Variants in BAZ2B observed in about 807,000 individuals in gnomAD.
The protein encoded by BAZ2B is bromodomain adjacent to zinc finger domain 2B.
BAZ2B carries 91 observed loss-of-function variants against 246.0 expected under a neutral mutation model. The observed-to-expected ratio is 0.37, with a 90% CI of 0.31 to 0.44. BAZ2B has a LOEUF of 0.44. Ranked by LOEUF, BAZ2B falls within the 20% of genes least tolerant of loss-of-function variation. The pLI, the probability that BAZ2B is intolerant of heterozygous loss-of-function variation, is 1.00. For missense variants in BAZ2B, 2,332 were observed against 2,533.7 expected, an observed-to-expected ratio of 0.92 and a Z score of 1.71; for synonymous variants, 855 against 860.0, an observed-to-expected ratio of 0.99 and a Z score of 0.10.
In BAZ2B at chr2:159,350,359, T is replaced by A. The variant is rs1237603513; in HGVS notation, c.4214-2A>T. ...TTTCTTTTGCAATTTCTTCTAGTCC[T>A]ACAAAATGAAAAAGCATTATGAACA... On this transcript the variant is annotated splice_acceptor_variant, in intron 27 of 36. Transcript: ENST00000392783. LOFTEE classifies it high-confidence loss of function. 6.6e-7 allele frequency: 1 copy of A among 1,521,760 alleles called. No homozygotes were observed. The highest frequency in any genetic ancestry group is 8.8e-7 in the Non-Finnish European group (1 of 1,139,812). The allele number at this position is 1,521,760 out of a possible 1,614,324, so 94.3% of individuals were successfully genotyped here. A position where few individuals can be genotyped will look rare whatever the true frequency, so the allele number is the denominator to read the frequency against.
At chr2:159,682,829 C>G in the BAZ2B span, among the ~76,000 whole-genome samples, 1 of 152,084 alleles carries the variant, frequency 6.6e-6, no homozygotes, top group East Asian at 1.9e-4. Context: ...ACACTGCATT[C>G]TCTTGCAATT....
intron 3 of BAZ2B, chr2:159,459,819 C>T (rs2076194904): frequency 6.6e-6 from 1 of 152,036 alleles, no homozygotes; most frequent in Admixed American, 6.5e-5. Flanking sequence ...CATTAATATA[C>T]TTAATATCAA....
intron 11 of BAZ2B, among the ~76,000 whole-genome samples, 182 bp from the exon 12 acceptor site, chr2:159,428,601 T>C (rs1259290914): frequency 6.6e-6 from 1 of 152,180 alleles, no homozygotes; most frequent in Admixed American, 6.5e-5. Flanking sequence ...CTAATTCAAC[T>C]AGAAAATTAA....
chr2:159,615,604 AG>A (rs1158533952), intron 1 of BAZ2B: 2 of 145,172 alleles, frequency 1.4e-5, no homozygotes, highest in Non-Finnish European at 3.0e-5. Flanking sequence ...GACAGGGAAG[AG>A]GGGGCGGAGG....
intron 13 of BAZ2B, among the ~76,000 whole-genome samples, chr2:159,413,432 C>G (rs2067137372): frequency 6.6e-6 from 1 of 152,172 alleles, no homozygotes; most frequent in African/African-American, 2.4e-5. Context: ...ACTGGCCGGG[C>G]ACAGTGGCTC....
chr2:159,480,441 AT>A (rs2079105884), intron 2 of BAZ2B, among the ~76,000 whole-genome samples: 1 of 152,132 alleles, frequency 6.6e-6, no homozygotes, highest in Admixed American at 6.5e-5. Context: ...ATAAAACCTG[AT>A]TCAGGACTAA....
At chr2:159,615,537 G>C (rs925508658) in intron 1 of BAZ2B, 3 of 152,106 alleles carry the variant, frequency 2.0e-5, no homozygotes, top group African/African-American at 7.2e-5. Context: ...AGCTACACAC[G>C]GGAGAGCTAG....
intron 31 of BAZ2B, among the ~76,000 whole-genome samples, chr2:159,341,901 C>T (rs181397623): frequency 1.3e-5 from 2 of 152,228 alleles, no homozygotes; most frequent in Admixed American, 1.3e-4. Flanking sequence ...GCAATAAATG[C>T]CTACATCAAT....
intron 3 of BAZ2B, among the ~76,000 whole-genome samples, chr2:159,466,100 A>C (rs1321543337): frequency 6.6e-6 from 1 of 152,206 alleles, no homozygotes; most frequent in Non-Finnish European, 1.5e-5. Flanking sequence ...TTCTCTACTA[A>C]GTATAAACTT....
At chr2:159,342,581 C>T (rs1454942229) in intron 31 of BAZ2B, among the ~76,000 whole-genome samples, 2 of 152,212 alleles carry the variant, frequency 1.3e-5, no homozygotes, top group East Asian at 1.9e-4. Flanking sequence ...CCACTGTGTC[C>T]GGCCTCAGCA....
the BAZ2B span, among the ~76,000 whole-genome samples, chr2:159,631,010 G>A: frequency 5.3e-5 from 8 of 152,126 alleles, no homozygotes; most frequent in South Asian, 1.7e-3. Context: ...CCTCGGCAAC[G>A]TGGTGAAACC....
chr2:159,336,056 G>A (rs1558993007), intron 33 of BAZ2B, among the ~76,000 whole-genome samples: 1 of 152,134 alleles, frequency 6.6e-6, no homozygotes. Flanking sequence ...AGTTACTCAG[G>A]AGGCTGATGC....
intron 1 of BAZ2B, among the ~76,000 whole-genome samples, chr2:159,572,759 T>C (rs1051998635): frequency 3.3e-5 from 5 of 152,210 alleles, no homozygotes; most frequent in Non-Finnish European, 7.4e-5. Context: ...TTTTAAACTA[T>C]TATTTTCAAG....
chr2:159,350,449 A>T, intron 27 of BAZ2B, 92 bp from the exon 28 acceptor site: 1 of 1,233,896 alleles, frequency 8.1e-7, no homozygotes, highest in Non-Finnish European at 1.1e-6. Context: ...AATTATATGC[A>T]TAAATACTTA....
chr2:159,361,319 A>G (rs2059667597), intron 27 of BAZ2B, among the ~76,000 whole-genome samples: 1 of 152,264 alleles, frequency 6.6e-6, no homozygotes, highest in African/African-American at 2.4e-5. Context: ...TCAAAAGAAG[A>G]CATTGATGCA....
chr2:159,711,961 C>T, the BAZ2B span: 1 of 152,166 alleles, frequency 6.6e-6, no homozygotes, highest in Admixed American at 6.5e-5. Context: ...CAGGCTCCAA[C>T]TCTTAAGGGA....
chr2:159,644,296 G>A, the BAZ2B span, among the ~76,000 whole-genome samples: 1 of 152,164 alleles, frequency 6.6e-6, no homozygotes, highest in African/African-American at 2.4e-5. Flanking sequence ...GAATATGATG[G>A]CAGGTCCCTA....
chr2:159,685,996 C>T, the BAZ2B span, among the ~76,000 whole-genome samples: 9 of 152,252 alleles, frequency 5.9e-5, no homozygotes, highest in African/African-American at 2.2e-4. Context: ...CCCTGGTGGC[C>T]CCCACCTGTA....
chr2:159,595,902 T>C (rs972904095), intron 1 of BAZ2B, among the ~76,000 whole-genome samples: 1 of 152,260 alleles, frequency 6.6e-6, no homozygotes, highest in African/African-American at 2.4e-5. Context: ...TGTATGTCAC[T>C]TCCTTTTTCT....
Sources: allele counts gnomAD v4.1 joint callset (sites outside exome capture counted in the v4.1 genomes callset), GRCh38; gene constraint gnomAD v4.1.1; transcripts MANE v1.5; gene names NCBI Gene and HGNC (gene_info 2026-07-23, HGNC 2026-07-21).